RPGR: variants seen among roughly 807,000 people sequenced by gnomAD.
RPGR encodes retinitis pigmentosa GTPase regulator.
In RPGR, 10 loss-of-function variants were observed where a neutral mutation model predicts 56.3. That is an observed-to-expected ratio of 0.18 (90% CI 0.11 to 0.30). The LOEUF (loss-of-function observed/expected upper bound fraction) is 0.30, where lower values mean the gene tolerates loss of function less well. Among genes scored for constraint, RPGR ranks in the 10% least tolerant of loss-of-function variants. The probability of loss-of-function intolerance (pLI) is 1.00; values close to 1 mark genes in which losing one functional copy is unlikely to be tolerated. For synonymous variants in RPGR, 197 were observed against 212.9 expected, an observed-to-expected ratio of 0.93 and a Z score of 0.65; for missense variants, 538 against 590.9, an observed-to-expected ratio of 0.91 and a Z score of 0.93.
intron 15 of RPGR, chrX:38,285,519 T>C: frequency 8.3e-7 from 1 of 1,210,906 alleles, no homozygotes; most frequent in Non-Finnish European, 1.1e-6. Context: ...CTGGCCATAA[T>C]CGGGTCACAT....
chrX:38,290,045 GGAAT>G (rs2067255404), intron 13 of RPGR, among the ~76,000 whole-genome samples: 1 of 112,029 alleles, frequency 8.9e-6, no homozygotes, highest in South Asian at 3.7e-4. Flanking sequence ...CATATTCAAA[GGAAT>G]GCTGTTATTC....
rs914048429 is a variant in RPGR, at chrX:38,284,402, A to C, written c.1905+2692T>G. 2.6e-5 allele frequency: 18 copies of C among 693,787 alleles called. No homozygotes were observed. The highest frequency in any genetic ancestry group is 2.9e-5 in the Non-Finnish European group (17 of 585,310). The allele number at this position is 693,787 out of a possible 1,213,427, so 57.2% of individuals were successfully genotyped here. A position where few individuals can be genotyped will look rare whatever the true frequency, so the allele number is the denominator to read the frequency against. On this transcript the variant is annotated intron_variant, in intron 15 of 18. Coordinates refer to ENST00000642395, the MANE Select transcript of RPGR (RefSeq NM_000328.3). ...TTTATCTTTTCATAAAGAATTTCTG[A>C]CTATATACATTTAATTTTTTATTTT...
intron 11 of RPGR, chrX:38,296,138 C>G (rs902641573): frequency 9.1e-6 from 1 of 109,803 alleles, no homozygotes; most frequent in Non-Finnish European, 1.9e-5. Flanking sequence ...ACGGTGAAAC[C>G]GCATGTCTAC....
Position 38,286,567 on chromosome X carries a change from CCCT to C in RPGR, c.1905+524_1905+526del, listed in dbSNP as rs745480662. The C allele has an allele frequency of 3.6e-5, 38 of 1,053,836 alleles. No homozygotes were observed. In the African/African-American group the frequency reaches 3.9e-4, roughly 11 times the overall value. The allele number at this position is 1,053,836 out of a possible 1,213,427, so 86.8% of individuals were successfully genotyped here. ...TACTTCCCCTCCCTCTACTTCCCCT[CCCT>C]CCTCTTTTTCCTCCCCTCTCCCCTC... On this transcript the variant is annotated intron_variant, in intron 15 of 18. Coordinates refer to ENST00000642395, the MANE Select transcript of RPGR (RefSeq NM_000328.3).
intron 5 of RPGR, among the ~76,000 whole-genome samples, chrX:38,318,582 A>G (rs1466953663): frequency 8.9e-6 from 1 of 111,995 alleles, no homozygotes; most frequent in Non-Finnish European, 1.9e-5. Context: ...CATAGCTTAG[A>G]GCTTATTTGC....
intron 15 of RPGR, among the ~76,000 whole-genome samples, chrX:38,278,624 C>T (rs749730883): frequency 1.2e-4 from 13 of 112,633 alleles, no homozygotes; most frequent in African/African-American, 4.2e-4. Flanking sequence ...TCAGAAACAA[C>T]TTCACTTTGA....
At chrX:38,313,568 T>C (rs896544828) in intron 6 of RPGR, among the ~76,000 whole-genome samples, 3 of 112,138 alleles carry the variant, frequency 2.7e-5, no homozygotes, top group African/African-American at 9.7e-5. Context: ...CTCTTCCTCT[T>C]GTATATGGAG....
At chrX:38,272,131 TG>T (rs1160070206) in intron 18 of RPGR, among the ~76,000 whole-genome samples, 2 of 110,919 alleles carry the variant, frequency 1.8e-5, no homozygotes, top group African/African-American at 6.6e-5. Context: ...AACAAGAAGG[TG>T]ATATTAAAAG....
chrX:38,283,721 G>A (rs145663535), intron 15 of RPGR, among the ~76,000 whole-genome samples: 1,270 of 111,769 alleles, frequency 0.011, 20 homozygotes, highest in African/African-American at 0.039. Context: ...ATTTTAGAAC[G>A]TTGTTTCTGT....
intron 10 of RPGR, chrX:38,298,431 C>T (rs1208539536): frequency 3.1e-6 from 1 of 320,674 alleles, no homozygotes; most frequent in Admixed American, 3.4e-5. Context: ...TAAGCTCCCA[C>T]TGCTCATGAG....
chrX:38,288,830 G>A (rs2067237943), intron 13 of RPGR, among the ~76,000 whole-genome samples: 1 of 110,396 alleles, frequency 9.1e-6, no homozygotes, highest in Non-Finnish European at 1.9e-5. Context: ...CACCTAGGCT[G>A]GAGCTCAGTG....
intron 15 of RPGR, among the ~76,000 whole-genome samples, chrX:38,281,252 C>T (rs2067025899): frequency 8.9e-6 from 1 of 112,390 alleles, no homozygotes; most frequent in Admixed American, 9.4e-5. Context: ...ACCTTATGTG[C>T]TAATTATTTT....
In RPGR at chrX:38,269,188, G is replaced by A. The variant is rs1434318778; in HGVS notation, c.*438C>T. ...TTAACAGTGGAACTGACCAGATATAGTTTATTAAAATATGTTCATTATAAA... is the reference window on the plus strand; with the variant it reads ...TTAACAGTGGAACTGACCAGATATAATTTATTAAAATATGTTCATTATAAA... On this transcript the variant is annotated 3_prime_UTR_variant, in exon 19 of 19. Coordinates refer to ENST00000642395, the MANE Select transcript of RPGR (RefSeq NM_000328.3). 1 of 116,836 alleles carries A rather than the reference G, an allele frequency of 8.6e-6. No individual in the cohort carries two copies. Among genetic ancestry groups the A allele is most frequent in the East Asian group, 2.6e-4 (1 of 3,795 alleles). 9.6% of individuals were successfully genotyped at this position (116,836 alleles called of 1,213,427 possible).
At chrX:38,275,018 A>G in intron 17 of RPGR, 1 of 860,262 alleles carries the variant, frequency 1.2e-6, no homozygotes, top group Admixed American at 2.3e-5. Context: ...TTACCCAATT[A>G]TGGCATACAT....
chrX:38,282,028 T>C (rs1377734860), intron 15 of RPGR, among the ~76,000 whole-genome samples: 1 of 112,120 alleles, frequency 8.9e-6, no homozygotes, highest in East Asian at 2.8e-4. Context: ...AAATTTATCA[T>C]CTTTTCCCCA....
At chrX:38,279,204 T>A (rs893394308) in intron 15 of RPGR, 3 of 329,572 alleles carry the variant, frequency 9.1e-6, no homozygotes, top group African/African-American at 2.7e-5. Context: ...ACTGGCAGAA[T>A]ACTGTCATTT....
rs919958727 is a variant in RPGR at position 38,327,456 on chromosome X, G to T, written c.-89C>A. ...GCTAAAGCAGCTACTCCGCACCGAC[G>T]CGGGCCGCGAAAGCCCCCAAGTTCC... On this transcript the variant is annotated 5_prime_UTR_variant, in exon 1 of 19. Transcript: ENST00000642395. 9 of 944,158 alleles carry T rather than the reference G, an allele frequency of 9.5e-6. No individual in the cohort carries two copies. Among genetic ancestry groups the T allele is most frequent in the Non-Finnish European group, 1.1e-5 (8 of 704,867 alleles). The allele number at this position is 944,158 out of a possible 1,213,427, so 77.8% of individuals were successfully genotyped here.
chrX:38,315,120 A>T (rs1048013297), intron 6 of RPGR, among the ~76,000 whole-genome samples: 6 of 111,658 alleles, frequency 5.4e-5, no homozygotes, highest in African/African-American at 2.0e-4. Flanking sequence ...ACCTGAGGTC[A>T]GAAGTTCAAG....
chrX:38,294,199 G>T (rs151237955), intron 11 of RPGR, among the ~76,000 whole-genome samples: 1 of 111,043 alleles, frequency 9.0e-6, no homozygotes, highest in East Asian at 2.8e-4. Flanking sequence ...TTGCATTCAC[G>T]ACACTACGCT....
Sources: allele counts gnomAD v4.1 joint callset (sites outside exome capture counted in the v4.1 genomes callset), GRCh38; gene constraint gnomAD v4.1.1; transcripts MANE v1.5; gene names NCBI Gene and HGNC (gene_info 2026-07-23, HGNC 2026-07-21).